Variants in CLCN5 observed in about 807,000 individuals in gnomAD.
The protein encoded by CLCN5 is H(+)/Cl(-) exchange transporter 5.
A neutral mutation model predicts 54.0 loss-of-function variants in CLCN5; 17 were observed. That is an observed-to-expected ratio of 0.31 (90% confidence interval 0.22 to 0.47). The LOEUF (loss-of-function observed/expected upper bound fraction) is 0.47, where lower values mean the gene tolerates loss of function less well. CLCN5 is among the 20% of genes least tolerant of loss of function. The pLI, the probability that CLCN5 is intolerant of heterozygous loss-of-function variation, is 1.00. For synonymous variants in CLCN5, 222 were observed against 233.0 expected, an observed-to-expected ratio of 0.95 and a Z score of 0.43; for missense variants, 448 against 646.7, an observed-to-expected ratio of 0.69 and a Z score of 3.33.
intron 3 of CLCN5, among the ~76,000 whole-genome samples, chrX:49,992,059 T>A (rs944950166): frequency 2.1e-4 from 23 of 111,411 alleles, no homozygotes; most frequent in Non-Finnish European, 3.8e-4. Context: ...TTTATTTTTT[T>A]AAAAAGCTTT....
At chrX:49,984,681 C>T (rs1237015561) in intron 3 of CLCN5, among the ~76,000 whole-genome samples, 1 of 109,922 alleles carries the variant, frequency 9.1e-6, no homozygotes, top group African/African-American at 3.3e-5. Flanking sequence ...GTGACATAAT[C>T]ATAACTCGCT....
intron 6 of CLCN5, 137 bp downstream of exon 6, chrX:50,072,725 C>A: frequency 1.9e-6 from 1 of 516,387 alleles, no homozygotes; most frequent in East Asian, 3.6e-5. Flanking sequence ...CTTATAGAAG[C>A]TCAATGTCCC....
intron 3 of CLCN5, among the ~76,000 whole-genome samples, chrX:49,970,780 A>G (rs1928166903): frequency 9.0e-6 from 1 of 111,459 alleles, no homozygotes; most frequent in Admixed American, 9.6e-5. Flanking sequence ...TATACCTAGG[A>G]CTGGAATTTC....
At chrX:49,981,082 A>G (rs1928707626) in intron 3 of CLCN5, among the ~76,000 whole-genome samples, 1 of 111,688 alleles carries the variant, frequency 9.0e-6, no homozygotes, top group Non-Finnish European at 1.9e-5. Flanking sequence ...TTGCTTTGGT[A>G]TTAATGAATT....
chrX:50,078,240 G>T (rs1384724476), intron 7 of CLCN5, among the ~76,000 whole-genome samples: 1 of 110,003 alleles, frequency 9.1e-6, no homozygotes, highest in African/African-American at 3.3e-5. Flanking sequence ...AAGGTGAGGT[G>T]GGAGGATTCC....
intron 3 of CLCN5, among the ~76,000 whole-genome samples, chrX:49,991,712 C>T (rs782038941): frequency 4.7e-4 from 53 of 111,904 alleles, no homozygotes; most frequent in Admixed American, 7.6e-4. Context: ...TTAAAACTTT[C>T]CTGTTAACAT....
intron 4 of CLCN5, among the ~76,000 whole-genome samples, chrX:50,067,144 ATATAACT>A (rs1557191001): frequency 1.8e-5 from 2 of 111,413 alleles, no homozygotes; most frequent in African/African-American, 6.5e-5. Context: ...TTCTAAAATG[ATATAACT>A]TGCTTGCCTG....
At chrX:50,067,786 G>A (rs183943218) in intron 4 of CLCN5, 1 of 702,416 alleles carries the variant, frequency 1.4e-6, no homozygotes, top group East Asian at 1.6e-4. Context: ...CCTGACCAAG[G>A]ACTGAAGCAT....
At chrX:50,007,626 A>C (rs181020808) in intron 3 of CLCN5, among the ~76,000 whole-genome samples, 1 of 110,804 alleles carries the variant, frequency 9.0e-6, no homozygotes, top group African/African-American at 3.3e-5. Flanking sequence ...GCAGGCACTC[A>C]CACTCACAGA....
chrX:50,013,136 C>G (rs1189984923), intron 3 of CLCN5: 1 of 249,277 alleles, frequency 4.0e-6, no homozygotes, highest in African/African-American at 2.9e-5. Flanking sequence ...CAATCTGTCT[C>G]TCTCTCAATC....
chrX:50,033,006 G>C (rs1557186075), intron 3 of CLCN5, among the ~76,000 whole-genome samples: 1 of 110,945 alleles, frequency 9.0e-6, no homozygotes, highest in African/African-American at 3.3e-5. Context: ...GTTTTTGTCA[G>C]GTTTGTCAAA....
At chrX:50,029,931 C>A (rs1282133150) in intron 3 of CLCN5, among the ~76,000 whole-genome samples, 1 of 112,244 alleles carries the variant, frequency 8.9e-6, no homozygotes, top group Non-Finnish European at 1.9e-5. Context: ...AAGACACATG[C>A]ACACATATGT....
At chrX:50,074,962 A>G (rs188485053) in intron 6 of CLCN5, among the ~76,000 whole-genome samples, 9 of 112,143 alleles carry the variant, frequency 8.0e-5, no homozygotes, top group Non-Finnish European at 9.4e-5. Context: ...CTAAATTACT[A>G]TAACTGTCTT....
intron 3 of CLCN5, among the ~76,000 whole-genome samples, chrX:49,977,544 T>G (rs1388932520): frequency 9.0e-6 from 1 of 111,703 alleles, no homozygotes; most frequent in Non-Finnish European, 1.9e-5. Context: ...ATTTCCACAG[T>G]GACACAGTTG....
intron 3 of CLCN5, among the ~76,000 whole-genome samples, chrX:50,041,505 G>A (rs1557187135): frequency 1.8e-5 from 2 of 110,753 alleles, no homozygotes; most frequent in Non-Finnish European, 3.8e-5. Flanking sequence ...TTTTCCCCAT[G>A]TCAGTCATCT....
chrX:50,059,806 A>C (rs1449369132), intron 4 of CLCN5, among the ~76,000 whole-genome samples: 1 of 109,331 alleles, frequency 9.1e-6, no homozygotes, highest in Non-Finnish European at 1.9e-5. Context: ...CTGATAAAGC[A>C]TTTGAAAAAC....
chrX:49,942,152 G>C (rs1926379642), intron 3 of CLCN5, among the ~76,000 whole-genome samples: 1 of 125 alleles, frequency 8.0e-3, no homozygotes. Flanking sequence ...TGTTAAATTA[G>C]AATGAATTCG....
At position 49,938,824 on chromosome X, in the gene CLCN5, A is replaced by C. The variant is rs1819600506; in HGVS notation, c.16+13510A>C. ...TTAAACTAAAGAGCTTCTGCACAGC[A>C]AAAGAAACCCCCATCAGAGTGAACA... On this transcript the variant is annotated intron_variant, in intron 3 of 14. Coordinates refer to ENST00000376091, the MANE Select transcript of CLCN5 (RefSeq NM_001127898.4). Among the ~76,000 whole-genome samples the C allele has an allele frequency of 5.9e-5, 6 of 101,363 alleles. No homozygotes were observed. In the South Asian group the frequency reaches 3.0e-3, roughly 51 times the overall value. 88.0% of individuals were successfully genotyped at this position (101,363 alleles called of 115,157 possible).
chrX:50,045,078 C>A (rs1557187641), intron 4 of CLCN5, among the ~76,000 whole-genome samples: 1 of 111,093 alleles, frequency 9.0e-6, no homozygotes, highest in African/African-American at 3.3e-5. Flanking sequence ...TAGATTATAA[C>A]TGGGGAATAA....
Sources: gnomAD v4.1 joint callset for allele counts (sites outside exome capture counted in the v4.1 genomes callset) on GRCh38, gnomAD v4.1.1 for gene constraint, MANE v1.5 for transcripts, NCBI Gene and HGNC (gene_info 2026-07-23, HGNC 2026-07-21) for gene names.